The following MAML2 variants were observed in gnomAD, a reference collection of about 807,000 sequenced individuals.
The protein encoded by MAML2 is mastermind like transcriptional coactivator 2, also known as mastermind-like protein 2.
A neutral mutation model predicts 96.1 loss-of-function variants in MAML2; 22 were observed. That is an observed-to-expected ratio of 0.23 (90% CI 0.16 to 0.33). The LOEUF (loss-of-function observed/expected upper bound fraction) is 0.33. MAML2 is among the 10% of genes least tolerant of loss of function. The probability of loss-of-function intolerance (pLI) is 1.00; values close to 1 mark genes in which losing one functional copy is unlikely to be tolerated. For missense variants in MAML2, 1,367 were observed against 1,392.4 expected, an observed-to-expected ratio of 0.98 and a Z score of 0.29; for synonymous variants, 561 against 521.3, an observed-to-expected ratio of 1.08 and a Z score of -1.04.
At chr11:96,203,660 G>A (rs1861857219) in intron 1 of MAML2, among the ~76,000 whole-genome samples, 1 of 152,134 alleles carries the variant, frequency 6.6e-6, no homozygotes, top group Non-Finnish European at 1.5e-5. Flanking sequence ...AAACACAAAT[G>A]ACCAAACATG....
At chr11:96,083,478 C>T (rs572169205) in intron 2 of MAML2, among the ~76,000 whole-genome samples, 11 of 152,160 alleles carry the variant, frequency 7.2e-5, no homozygotes, top group Admixed American at 2.0e-4. Context: ...ATCCATGGGG[C>T]AGCTGAGAGG....
At chr11:96,018,153 G>A (rs751922814) in intron 2 of MAML2, among the ~76,000 whole-genome samples, 1 of 152,198 alleles carries the variant, frequency 6.6e-6, no homozygotes, top group Non-Finnish European at 1.5e-5. Flanking sequence ...TTTGGCCTGA[G>A]TATAGGGAAG....
intron 1 of MAML2, among the ~76,000 whole-genome samples, chr11:96,113,614 A>AAG (rs1020146637): frequency 6.6e-5 from 10 of 151,530 alleles, no homozygotes; most frequent in African/African-American, 1.5e-4. Flanking sequence ...GAAAAAAAAA[A>AAG]AAAAGAAAAG....
At chr11:96,041,969 C>T (rs1434612612) in intron 2 of MAML2, among the ~76,000 whole-genome samples, 8 of 140,194 alleles carry the variant, frequency 5.7e-5, no homozygotes, top group East Asian at 4.5e-4. Flanking sequence ...CCACCACGCC[C>T]GGCTAATTTT....
At chr11:96,188,632 G>A (rs1353546624) in intron 1 of MAML2, among the ~76,000 whole-genome samples, 1 of 149,838 alleles carries the variant, frequency 6.7e-6, no homozygotes, top group Non-Finnish European at 1.5e-5. Flanking sequence ...TGTCCTTTTT[G>A]AGGAAGTCAG....
rs1260796499 is a variant in MAML2, at chr11:95,979,847, G to C, written c.2572C>G (p.Pro858Ala). The change falls in exon 5 of 5, where the codon CCA becomes GCA. Residue 858 changes from proline to alanine, a missense_variant. Transcript: ENST00000524717. ...LLSTSHGTRM[P>A]SLSTAVQNMG... ...TTCTGAACTGCTGTAGATAATGATG[G>C]CATTCTTGTCCCGTGAGAAGTAGAC... 1.2e-6 allele frequency: 2 copies of C among 1,613,924 alleles called. No homozygotes were observed. Among genetic ancestry groups the C allele is most frequent in the Non-Finnish European group, 1.7e-6 (2 of 1,179,872 alleles).
chr11:96,216,160 C>CAGA (rs1862047659), intron 1 of MAML2, among the ~76,000 whole-genome samples: 1 of 152,236 alleles, frequency 6.6e-6, no homozygotes, highest in East Asian at 1.9e-4. Context: ...ATGCTTAAAC[C>CAGA]AGAAGAAGAA....
intron 1 of MAML2, among the ~76,000 whole-genome samples, chr11:96,096,117 A>C (rs529573078): frequency 3.3e-5 from 5 of 152,354 alleles, no homozygotes; most frequent in Admixed American, 1.3e-4. Context: ...AGGAAAGAAC[A>C]AACAAAGGAG....
chr11:96,327,956 C>T (rs542784879), intron 1 of MAML2, among the ~76,000 whole-genome samples: 6 of 151,798 alleles, frequency 4.0e-5, no homozygotes, highest in South Asian at 2.1e-4. Flanking sequence ...ATTAGCCAGG[C>T]GTGGTGGCGC....
intron 2 of MAML2, among the ~76,000 whole-genome samples, chr11:96,073,669 T>C (rs757254384): frequency 2.0e-5 from 3 of 152,146 alleles, no homozygotes; most frequent in Non-Finnish European, 4.4e-5. Flanking sequence ...CGATCTACTA[T>C]CTTGGGTGGA....
At chr11:96,104,007 CCTT>C (rs1859979444) in intron 1 of MAML2, among the ~76,000 whole-genome samples, 1 of 152,220 alleles carries the variant, frequency 6.6e-6, no homozygotes, top group East Asian at 1.9e-4. Flanking sequence ...ATAGTTAGCT[CCTT>C]CTTTTCCTTA....
chr11:96,057,167 C>G (rs1859083116), intron 2 of MAML2, among the ~76,000 whole-genome samples: 1 of 152,146 alleles, frequency 6.6e-6, no homozygotes, highest in African/African-American at 2.4e-5. Flanking sequence ...AGTTATACAT[C>G]CATGAGTGCC....
At position 95,991,569 on chromosome 11, in the gene MAML2, A is replaced by G. The variant is rs1857912620; in HGVS notation, c.2294T>C (p.Met765Thr). Residue 765 changes from methionine to threonine, a missense_variant, in exon 3 of 5, where the codon ATG becomes ACG. Met to Thr is a moderately conservative substitution (Grantham distance 81, BLOSUM62 -1). Coordinates refer to ENST00000524717, the MANE Select transcript of MAML2 (RefSeq NM_032427.4). ...GAGAAGAAGTTGCTGTTTCTGCTCC[A>G]TGATCTGCCTCTGTAGAGTCTGCTT... ...GKKQTLQRQI[M>T]EQKQQLLLQQ... 1.2e-6 allele frequency: 2 copies of G among 1,613,700 alleles called. No individual in the cohort carries two copies. Among genetic ancestry groups the G allele is most frequent in the Middle Eastern group, 1.6e-4 (1 of 6,080 alleles).
rs544725654 is a variant in MAML2, at chr11:96,021,067, T to C, written c.2140-29344A>G. Among the ~76,000 whole-genome samples the C allele has an allele frequency of 2.0e-5, 3 of 152,256 alleles. No homozygotes were observed. In the East Asian group the frequency reaches 5.8e-4, roughly 29 times the overall value. On this transcript the variant is annotated intron_variant, in intron 2 of 4. Coordinates refer to ENST00000524717, the MANE Select transcript of MAML2 (RefSeq NM_032427.4). ...GTTTATGTATATCTATATTTATGAGTAGAGTTATATGTAAATGTGGAAGCC... is the reference window on the plus strand; with the variant it reads ...GTTTATGTATATCTATATTTATGAGCAGAGTTATATGTAAATGTGGAAGCC...
intron 1 of MAML2, among the ~76,000 whole-genome samples, chr11:96,262,617 G>A (rs545993221): frequency 5.9e-5 from 9 of 152,112 alleles, no homozygotes; most frequent in South Asian, 4.2e-4. Context: ...ACAGGCACCC[G>A]CCACCACGCC....
chr11:96,191,188 G>A (rs992259535), intron 1 of MAML2, among the ~76,000 whole-genome samples: 13 of 152,142 alleles, frequency 8.5e-5, no homozygotes, highest in East Asian at 1.9e-4. Context: ...GAACTAGGCC[G>A]GGCGCAGTGG....
intron 1 of MAML2, among the ~76,000 whole-genome samples, chr11:96,215,630 C>T (rs1362957117): frequency 2.6e-5 from 4 of 151,758 alleles, no homozygotes; most frequent in African/African-American, 4.8e-5. Flanking sequence ...AGCAGTTCAC[C>T]GGTTAATTAA....
chr11:96,240,585 A>AAAGCTGAT (rs940356499), intron 1 of MAML2, among the ~76,000 whole-genome samples: 3 of 148,196 alleles, frequency 2.0e-5, no homozygotes, highest in African/African-American at 7.5e-5. Context: ...AAAAAAAAAG[A>AAAGCTGAT]AAGCTGATGA....
rs144476543 is a variant in MAML2, at chr11:96,242,964, A to G, written c.513+98419T>C. On this transcript the variant is annotated intron_variant, in intron 1 of 4. Transcript: ENST00000524717. ...CAGGAAACTTTAGCTCATGAATTCA[A>G]TCAAAAATCCTTTCATTTGTCAGAA... is the stretch of plus-strand genomic sequence containing the variant. Among the ~76,000 whole-genome samples, 97 of 152,204 alleles carry G rather than the reference A, an allele frequency of 6.4e-4. 1 individual carries two copies. The highest frequency in any genetic ancestry group is 2.3e-3 in the African/African-American group (94 of 41,510).
Sources: gnomAD v4.1 joint callset for allele counts (sites outside exome capture counted in the v4.1 genomes callset) on GRCh38, gnomAD v4.1.1 for gene constraint, MANE v1.5 for transcripts, NCBI Gene and HGNC (gene_info 2026-07-23, HGNC 2026-07-21) for gene names.